The following ITPR2 variants were observed in gnomAD, a reference collection of about 807,000 sequenced individuals.
The protein encoded by ITPR2 is inositol 1,4,5-trisphosphate-gated calcium channel ITPR2.
In ITPR2, 207 loss-of-function variants were observed where a neutral mutation model predicts 317.1. That is an observed-to-expected ratio of 0.65 (90% CI 0.58 to 0.73). The LOEUF is 0.73. ITPR2 is among the 30% of genes least tolerant of loss of function. The pLI is 0.00. For missense variants in ITPR2, 2,613 were observed against 3,284.0 expected, an observed-to-expected ratio of 0.80 and a Z score of 4.99; for synonymous variants, 1,156 against 1,149.1, an observed-to-expected ratio of 1.01 and a Z score of -0.12.
intron 50 of ITPR2, 112 bp downstream of exon 50, chr12:26,418,937 T>G (rs1940806030): frequency 1.2e-6 from 1 of 818,508 alleles, no homozygotes; most frequent in African/African-American, 1.8e-5. Context: ...ATAACATAAT[T>G]TGTCCTAAAT....
chr12:26,688,279 G>A (rs112800047), intron 10 of ITPR2, among the ~76,000 whole-genome samples: 13 of 152,152 alleles, frequency 8.5e-5, no homozygotes, highest in African/African-American at 3.1e-4. Context: ...GAGCTCAAGC[G>A]ATCCTCCCTG....
chr12:26,665,815 T>C lies in ITPR2; in HGVS notation c.1551+95A>G, dbSNP rs567750272. On this transcript the variant is annotated intron_variant, in intron 14 of 56. Coordinates refer to ENST00000381340, the MANE Select transcript of ITPR2 (RefSeq NM_002223.4). Reference sequence around the variant, plus strand: ...TTTCAGCCACTAAGTTTTGGGATCATTTGCTTCATAGTAATAGATAACTAA... The same window carrying C: ...TTTCAGCCACTAAGTTTTGGGATCACTTGCTTCATAGTAATAGATAACTAA... 3.1e-5 allele frequency: 34 copies of C among 1,111,316 alleles called. No individual in the cohort carries two copies. In the South Asian group the frequency reaches 5.1e-4, roughly 17 times the overall value. The allele number at this position is 1,111,316 out of a possible 1,614,324, so 68.8% of individuals were successfully genotyped here.
chr12:26,476,215 C>T (rs1463459273), intron 44 of ITPR2, among the ~76,000 whole-genome samples: 3 of 152,182 alleles, frequency 2.0e-5, no homozygotes, highest in Non-Finnish European at 4.4e-5. Context: ...GAATGTTGTG[C>T]CAGACTTTCG....
intron 1 of ITPR2, among the ~76,000 whole-genome samples, chr12:26,832,064 T>G (rs1470911238): frequency 6.6e-6 from 1 of 151,950 alleles, no homozygotes; most frequent in Non-Finnish European, 1.5e-5. Context: ...CAGGAAGCCC[T>G]CAGAGACGTC....
chr12:26,491,148 G>A (rs187845928), intron 39 of ITPR2, among the ~76,000 whole-genome samples: 2 of 152,138 alleles, frequency 1.3e-5, no homozygotes, highest in East Asian at 1.9e-4. Flanking sequence ...GTCTTTATAG[G>A]GCAGGTGACA....
intron 39 of ITPR2, among the ~76,000 whole-genome samples, chr12:26,491,389 AG>A (rs1246264305): frequency 1.3e-5 from 2 of 149,082 alleles, no homozygotes; most frequent in African/African-American, 2.5e-5. Flanking sequence ...AGGCTGAGGA[AG>A]GAGAATGGCG....
At chr12:26,462,881 A>C (rs1482836819) in intron 45 of ITPR2, among the ~76,000 whole-genome samples, 1 of 152,096 alleles carries the variant, frequency 6.6e-6, no homozygotes, top group African/African-American at 2.4e-5. Context: ...CATGTTGGCC[A>C]GGCTGGTCTC....
intron 9 of ITPR2, among the ~76,000 whole-genome samples, chr12:26,710,690 C>T (rs191229877): frequency 8.5e-5 from 13 of 152,218 alleles, no homozygotes; most frequent in East Asian, 5.8e-4. Context: ...AGCTTTTGTA[C>T]GTTTTTACCA....
chr12:26,517,777 G>GCC (rs1316674157), intron 37 of ITPR2, among the ~76,000 whole-genome samples: 8 of 152,326 alleles, frequency 5.3e-5, no homozygotes, highest in South Asian at 2.1e-4. Context: ...GGCAGAGATT[G>GCC]CAGTGAGTTG....
At chr12:26,385,748 G>A (rs1211862673) in intron 55 of ITPR2, among the ~76,000 whole-genome samples, 1 of 152,004 alleles carries the variant, frequency 6.6e-6, no homozygotes, top group Non-Finnish European at 1.5e-5. Context: ...CCCTCTTATA[G>A]ACAGACACTC....
At chr12:26,602,915 A>C (rs1170942812) in intron 26 of ITPR2, among the ~76,000 whole-genome samples, 1 of 152,244 alleles carries the variant, frequency 6.6e-6, no homozygotes, top group East Asian at 1.9e-4. Context: ...TGAGAACCCA[A>C]TGACAAGTTA....
intron 2 of ITPR2, among the ~76,000 whole-genome samples, chr12:26,751,442 G>A (rs570909401): frequency 1.7e-4 from 26 of 152,178 alleles, no homozygotes; most frequent in South Asian, 1.2e-3. Flanking sequence ...TAGAACCAGC[G>A]TTGTAGCCTT....
intron 43 of ITPR2, 92 bp from the exon 44 acceptor site, chr12:26,477,099 C>T (rs1412489030): frequency 5.5e-6 from 4 of 726,440 alleles, no homozygotes. Flanking sequence ...TTACTAGGAC[C>T]TTTTTTAATC....
chr12:26,370,904 AC>A (rs1939169430), intron 55 of ITPR2, among the ~76,000 whole-genome samples: 1 of 151,666 alleles, frequency 6.6e-6, no homozygotes, highest in Non-Finnish European at 1.5e-5. Flanking sequence ...CGAACTCCTG[AC>A]CCCGTGATCC....
At chr12:26,601,704 T>G (rs1946001597) in intron 28 of ITPR2, among the ~76,000 whole-genome samples, 2 of 152,200 alleles carry the variant, frequency 1.3e-5, no homozygotes. Flanking sequence ...AATGGGATAT[T>G]TACTTAGTTT....
At chr12:26,592,082 GA>G (rs1366890150) in intron 32 of ITPR2, among the ~76,000 whole-genome samples, 2 of 152,124 alleles carry the variant, frequency 1.3e-5, no homozygotes, top group East Asian at 3.8e-4. Flanking sequence ...AAAAGAATGT[GA>G]TCCAGTCATC....
chr12:26,422,878 C>A (rs188134271), intron 49 of ITPR2, among the ~76,000 whole-genome samples: 2 of 152,106 alleles, frequency 1.3e-5, no homozygotes, highest in Non-Finnish European at 2.9e-5. Context: ...TTTCATCAAC[C>A]ATGTAAGTTA....
chr12:26,372,357 C>T (rs780781058), intron 55 of ITPR2, among the ~76,000 whole-genome samples: 4 of 152,212 alleles, frequency 2.6e-5, no homozygotes, highest in Non-Finnish European at 5.9e-5. Context: ...TATTCTAACA[C>T]TCATACATAT....
chr12:26,498,528 C>T (rs1488950930), intron 37 of ITPR2, among the ~76,000 whole-genome samples: 1 of 152,208 alleles, frequency 6.6e-6, no homozygotes, highest in East Asian at 1.9e-4. Context: ...CCATAAACTA[C>T]AGGGTTGAAG....
Sources: gnomAD v4.1 joint callset for allele counts (sites outside exome capture counted in the v4.1 genomes callset) on GRCh38, gnomAD v4.1.1 for gene constraint, MANE v1.5 for transcripts, NCBI Gene and HGNC (gene_info 2026-07-23, HGNC 2026-07-21) for gene names.